Variants in ZNF362 observed in about 807,000 individuals in gnomAD.
The protein encoded by ZNF362 is rotund homolog.
ZNF362 carries 11 observed loss-of-function variants against 42.9 expected under a neutral mutation model. That is an observed-to-expected ratio of 0.26 (90% CI 0.16 to 0.42). The LOEUF (loss-of-function observed/expected upper bound fraction) is 0.42, where lower values mean the gene tolerates loss of function less well. ZNF362 is among the 20% of genes least tolerant of loss of function. The pLI, the probability that ZNF362 is intolerant of heterozygous loss-of-function variation, is 1.00. For missense variants in ZNF362, 362 were observed against 576.2 expected (o/e 0.63, Z 3.81); for synonymous variants, 255 against 257.3 (o/e 0.99, Z 0.09).
At chr1:33,140,415 G>A in the ZNF362 span, among the ~76,000 whole-genome samples, 1 of 152,162 alleles carries the variant, frequency 6.6e-6, no homozygotes, top group African/African-American at 2.4e-5. The surrounding 1 kb of genome is among the most constrained non-coding windows in gnomAD (Gnocchi z 4.0). Flanking sequence ...CCAGGACCTC[G>A]CTTCTGATTG....
At chr1:33,185,637 A>G in the ZNF362 span, among the ~76,000 whole-genome samples, 1 of 152,188 alleles carries the variant, frequency 6.6e-6, no homozygotes. Flanking sequence ...ACTGTTGATT[A>G]TCTTTACATT....
the ZNF362 span, among the ~76,000 whole-genome samples, chr1:33,170,016 A>G: frequency 6.6e-6 from 1 of 152,164 alleles, no homozygotes; most frequent in Non-Finnish European, 1.5e-5. Flanking sequence ...TTTAATTGCA[A>G]GGTTACCTGT....
the ZNF362 span, among the ~76,000 whole-genome samples, chr1:33,156,877 G>A: frequency 2.0e-5 from 3 of 151,952 alleles, no homozygotes; most frequent in Non-Finnish European, 2.9e-5. Context: ...TTGCTAATCC[G>A]CTAGCAAATC....
Position 33,281,583 on chromosome 1 carries a change from G to A in ZNF362, c.684-4G>A, listed in dbSNP as rs148614597. The A allele has an allele frequency of 1.2e-3, 1,917 of 1,614,076 alleles. 4 individuals carry two copies. The highest frequency in any genetic ancestry group is 1.5e-3 in the Middle Eastern group (9 of 6,062). Reference sequence around the variant, plus strand: ...CCCACGTGAACCTGTCTCTTGCTCCGCAGGTGTAAGGTATGCCCACTGACC... The same window carrying A: ...CCCACGTGAACCTGTCTCTTGCTCCACAGGTGTAAGGTATGCCCACTGACC... On this transcript the variant is annotated splice_polypyrimidine_tract_variant and splice_region_variant and intron_variant, in intron 5 of 8. Transcript: ENST00000539719. This position sits in a 1 kb window ranked among gnomAD's most constrained non-coding sequence, Gnocchi z 4.8.
the ZNF362 span, chr1:33,147,843 G>A: frequency 2.6e-6 from 3 of 1,153,410 alleles, no homozygotes; most frequent in Non-Finnish European, 3.6e-6. This position sits in a 1 kb window ranked among gnomAD's most constrained non-coding sequence, Gnocchi z 8.1. Flanking sequence ...CTGACCTGCT[G>A]TGTGACCTTG....
At chr1:33,268,723 A>G (rs1326812905) in intron 1 of ZNF362, among the ~76,000 whole-genome samples, 1 of 152,196 alleles carries the variant, frequency 6.6e-6, no homozygotes, top group African/African-American at 2.4e-5. Context: ...CCCTGGGGGA[A>G]CTGTGAGATG....
chr1:33,237,017 G>C, the ZNF362 span, among the ~76,000 whole-genome samples: 1 of 152,036 alleles, frequency 6.6e-6, no homozygotes, highest in African/African-American at 2.4e-5. Context: ...GTTGTAGTGA[G>C]CTGAGATCAC....
At chr1:33,166,886 C>T in the ZNF362 span, among the ~76,000 whole-genome samples, 23 of 152,236 alleles carry the variant, frequency 1.5e-4, no homozygotes, top group East Asian at 4.1e-3. Context: ...TTTTGTTCAT[C>T]GTGGGTTTTT....
the ZNF362 span, among the ~76,000 whole-genome samples, chr1:33,243,500 T>C: frequency 6.6e-6 from 1 of 152,118 alleles, no homozygotes; most frequent in Non-Finnish European, 1.5e-5. Flanking sequence ...ATCACAACTT[T>C]TAAAAGTGTT....
chr1:33,254,804 C>T (rs1194210265), upstream of ZNF362, among the ~76,000 whole-genome samples: 1 of 152,108 alleles, frequency 6.6e-6, no homozygotes, highest in Admixed American at 6.6e-5. Flanking sequence ...AGTGATGCTC[C>T]CCCTCCCTGA....
chr1:33,300,328 CTT>C lies in ZNF362; in HGVS notation c.*1284_*1285del. 7.0e-6 allele frequency: 1 copy of C among 143,308 alleles called. No individual in the cohort carries two copies. Among genetic ancestry groups the C allele is most frequent in the South Asian group, 2.4e-4 (1 of 4,162 alleles). The allele number at this position is 143,308 out of a possible 1,614,324, so 8.9% of individuals were successfully genotyped here. A position where few individuals can be genotyped will look rare whatever the true frequency, so the allele number is the denominator to read the frequency against. On this transcript the variant is annotated 3_prime_UTR_variant, in exon 9 of 9. Coordinates refer to ENST00000539719, the MANE Select transcript of ZNF362 (RefSeq NM_152493.3). ...GGGTTCTCTGCCCCCACCCCCGGCC[CTT>C]TGTTTGACTTGCGTCGTCTGATACT...
chr1:33,150,410 T>C, the ZNF362 span, among the ~76,000 whole-genome samples: 2 of 152,256 alleles, frequency 1.3e-5, no homozygotes, highest in Non-Finnish European at 2.9e-5. Flanking sequence ...CCTCTGTTCA[T>C]ATACCCACTG....
At chr1:33,255,977 C>A (rs1645785806), upstream of ZNF362, among the ~76,000 whole-genome samples, 1 of 151,654 alleles carries the variant, frequency 6.6e-6, no homozygotes, top group Non-Finnish European at 1.5e-5. Flanking sequence ...GAGGCGGCCG[C>A]CGGGCCTGGG....
chr1:33,181,705 C>T, the ZNF362 span: 37 of 480,026 alleles, frequency 7.7e-5, no homozygotes, highest in African/African-American at 7.3e-4. The surrounding 1 kb of genome is among the most constrained non-coding windows in gnomAD (Gnocchi z 6.5). Context: ...AGGCTGTGAG[C>T]GGCTGAGGGA....
At chr1:33,210,377 G>A in the ZNF362 span, among the ~76,000 whole-genome samples, 2 of 152,184 alleles carry the variant, frequency 1.3e-5, no homozygotes, top group Admixed American at 1.3e-4. Context: ...AGTGCAATGT[G>A]GTGCTGAGAA....
At chr1:33,261,308 T>C (rs1645826577) in intron 1 of ZNF362, 1 of 152,214 alleles carries the variant, frequency 6.6e-6, no homozygotes, top group African/African-American at 2.4e-5. Flanking sequence ...CAGAAAGTTC[T>C]CATTGCTAGT....
At chr1:33,187,369 CA>C in the ZNF362 span, among the ~76,000 whole-genome samples, 1 of 152,200 alleles carries the variant, frequency 6.6e-6, no homozygotes, top group Non-Finnish European at 1.5e-5. Context: ...TGCACCTGCT[CA>C]GATAAACTTG....
the ZNF362 span, among the ~76,000 whole-genome samples, chr1:33,137,381 G>A: frequency 6.6e-6 from 1 of 152,202 alleles, no homozygotes; most frequent in East Asian, 1.9e-4. Context: ...TAAATGAGAG[G>A]ACAGCCCATA....
the ZNF362 span, among the ~76,000 whole-genome samples, chr1:33,206,659 C>T: frequency 6.6e-6 from 1 of 151,972 alleles, no homozygotes; most frequent in East Asian, 1.9e-4. Context: ...AAGCCACAGA[C>T]TGGGGAAAAA....
Sources: allele counts gnomAD v4.1 joint callset (sites outside exome capture counted in the v4.1 genomes callset), GRCh38; gene constraint gnomAD v4.1.1; non-coding constraint Gnocchi (gnomAD v3.1); transcripts MANE v1.5; gene names NCBI Gene and HGNC (gene_info 2026-07-23, HGNC 2026-07-21).